LMLN: variants seen among roughly 807,000 people sequenced by gnomAD.
LMLN encodes leishmanolysin-like peptidase.
Under a neutral mutation model 92.3 loss-of-function variants are expected in LMLN, and 70 were observed. That is an observed-to-expected ratio of 0.76 (90% confidence interval 0.63 to 0.92). The LOEUF is 0.92. Among genes scored for constraint, LMLN ranks in the 40% least tolerant of loss-of-function variants. The probability of loss-of-function intolerance (pLI) is 0.00; values close to 1 mark genes in which losing one functional copy is unlikely to be tolerated. For synonymous variants in LMLN, 308 were observed against 296.2 expected (o/e 1.04, Z -0.41); for missense variants, 691 against 814.6 (o/e 0.85, Z 1.85).
chr3:197,988,481 C>CTTTTTTTTTTTTTT (rs67505779), intron 8 of LMLN, among the ~76,000 whole-genome samples: 1 of 42,018 alleles, frequency 2.4e-5, no homozygotes, highest in Non-Finnish European at 4.0e-5. Flanking sequence ...GGATTTACCC[C>CTTTTTTTTTTTTTT]TTTTTTTTTT....
chr3:197,971,107 C>T (rs909110460), intron 1 of LMLN, among the ~76,000 whole-genome samples: 1 of 152,158 alleles, frequency 6.6e-6, no homozygotes, highest in Non-Finnish European at 1.5e-5. Flanking sequence ...TATTGTTCTT[C>T]ACAGAAAGTC....
chr3:198,007,026 G>T (rs1722313858), intron 11 of LMLN, among the ~76,000 whole-genome samples: 1 of 152,154 alleles, frequency 6.6e-6, no homozygotes, highest in African/African-American at 2.4e-5. Flanking sequence ...TAATTGGATT[G>T]TTTTTTACTG....
At chr3:197,996,965 C>A (rs563545967) in intron 10 of LMLN, among the ~76,000 whole-genome samples, 2 of 151,894 alleles carry the variant, frequency 1.3e-5, no homozygotes, top group Non-Finnish European at 2.9e-5. Flanking sequence ...TCTGTGTGTT[C>A]GTTCGTTTGT....
chr3:198,025,616 TGC>T lies in LMLN; in HGVS notation c.1656+829_1656+830del, dbSNP rs2109943413. Among the ~76,000 whole-genome samples the T allele has an allele frequency of 6.6e-6, 1 of 152,320 alleles. No homozygotes were observed. The highest frequency in any genetic ancestry group is 1.5e-5 in the Non-Finnish European group (1 of 68,020). Reference sequence around the variant, plus strand: ...AACTTCGGGGCCCAAGCAATCCTCTTGCCTTGGCCTCCCAAAGTACTGGGATT... The same window carrying T: ...AACTTCGGGGCCCAAGCAATCCTCTTCTTGGCCTCCCAAAGTACTGGGATT... On this transcript the variant is annotated intron_variant, in intron 14 of 15. Transcript: ENST00000330198. The surrounding 1 kb of genome is among the most constrained non-coding windows in gnomAD (Gnocchi z 4.3).
At chr3:198,040,492 T>C (rs576281716) in exon 16 of LMLN, 1 of 152,328 alleles carries the variant, frequency 6.6e-6, no homozygotes, top group Admixed American at 6.5e-5. Context: ...GCTAATGAAG[T>C]CCTATGGCAT....
chr3:197,961,972 C>T (rs758144476), intron 1 of LMLN, among the ~76,000 whole-genome samples: 10 of 152,060 alleles, frequency 6.6e-5, no homozygotes, highest in African/African-American at 1.7e-4. Flanking sequence ...TCAGCCATTC[C>T]GCAGCCCCCT....
rs187594004 is a variant in LMLN, at chr3:197,989,706, T to C, written c.930-853T>C. 3.3e-4 allele frequency among the ~76,000 whole-genome samples: 50 copies of C among 152,180 alleles called. No homozygotes were observed. The East Asian group carries it at 9.5e-3, about 29-fold the overall frequency. Reference sequence around the variant, plus strand: ...AAATAGTGATGATAATCTCATAGGGTTGTTGAAAAGATGAAATTTAAAACA... The same window carrying C: ...AAATAGTGATGATAATCTCATAGGGCTGTTGAAAAGATGAAATTTAAAACA... On this transcript the variant is annotated intron_variant, in intron 8 of 15. Coordinates refer to ENST00000330198, the Ensembl canonical transcript of LMLN.
At chr3:197,996,148 G>A (rs377027839) in intron 9 of LMLN, 27 bp from the exon 10 acceptor site, 14 of 1,368,418 alleles carry the variant, frequency 1.0e-5, no homozygotes, top group African/African-American at 4.5e-5. Flanking sequence ...TACCATATTT[G>A]TTTCTGATTT....
chr3:197,980,666 G>A (rs1023981135), intron 6 of LMLN, 162 bp downstream of exon 6: 14 of 593,774 alleles, frequency 2.4e-5, no homozygotes, highest in Admixed American at 9.2e-5. Context: ...TTAGGAGACC[G>A]TGATTAGACT....
At chr3:198,032,691 G>A (rs1723110007) in intron 14 of LMLN, among the ~76,000 whole-genome samples, 1 of 152,082 alleles carries the variant, frequency 6.6e-6, no homozygotes, top group Non-Finnish European at 1.5e-5. Context: ...GCAGATCTCT[G>A]GGGAACTTAT....
chr3:198,006,754 C>T (rs1202526373), intron 11 of LMLN, among the ~76,000 whole-genome samples: 2 of 151,860 alleles, frequency 1.3e-5, no homozygotes, highest in Non-Finnish European at 2.9e-5. Context: ...GCTCCGTCAC[C>T]CAGGCTGGAG....
At chr3:198,033,492 C>G (rs1003298946) in intron 14 of LMLN, among the ~76,000 whole-genome samples, 3 of 152,052 alleles carry the variant, frequency 2.0e-5, no homozygotes, top group African/African-American at 7.2e-5. Flanking sequence ...TCTCAGCTCA[C>G]TGCAACCTCG....
rs1350599550 is a variant in LMLN, at chr3:198,019,392, C to T, written c.1365+7C>T. ...TTTACCACAGGAATACCAGGTAGAA[C>T]AGGGCTGGGGCACAGTTTCAGGAAT... is the stretch of plus-strand genomic sequence containing the variant. On this transcript the variant is annotated splice_region_variant and intron_variant, in intron 12 of 15. Transcript: ENST00000330198. The surrounding 1 kb of genome is among the most constrained non-coding windows in gnomAD (Gnocchi z 5.5). 6 of 1,611,786 alleles carry T rather than the reference C, an allele frequency of 3.7e-6. No homozygotes were observed. Among genetic ancestry groups the T allele is most frequent in the East Asian group, 4.5e-5 (2 of 44,802 alleles).
At chr3:198,033,662 A>G (rs758734474) in intron 14 of LMLN, among the ~76,000 whole-genome samples, 5 of 152,324 alleles carry the variant, frequency 3.3e-5, no homozygotes, top group Admixed American at 2.6e-4. Context: ...TTGGTGTCCC[A>G]CAGTGCTGGG....
intron 11 of LMLN, among the ~76,000 whole-genome samples, chr3:198,014,947 C>G (rs1229513906): frequency 5.9e-5 from 8 of 135,716 alleles, no homozygotes; most frequent in Non-Finnish European, 1.3e-4. Flanking sequence ...TCTCTCCACC[C>G]TTCAGAGCCC....
At chr3:197,996,801 C>A (rs1722031590) in intron 10 of LMLN, among the ~76,000 whole-genome samples, 1 of 152,112 alleles carries the variant, frequency 6.6e-6, no homozygotes, top group South Asian at 2.1e-4. Context: ...CAGGGCCTCA[C>A]TGTGTCATCC....
intron 11 of LMLN, among the ~76,000 whole-genome samples, chr3:198,016,611 T>C (rs538969661): frequency 6.6e-6 from 1 of 152,340 alleles, no homozygotes; most frequent in South Asian, 2.1e-4. Flanking sequence ...AGTATGTAAC[T>C]CACACTGCAG....
intron 1 of LMLN, among the ~76,000 whole-genome samples, chr3:197,970,185 A>T (rs934982041): frequency 3.3e-5 from 5 of 152,148 alleles, no homozygotes; most frequent in Admixed American, 6.5e-5. Flanking sequence ...AATAAATAAA[A>T]AAAATAAACT....
chr3:198,037,342 G>A (rs1423941029), intron 15 of LMLN, among the ~76,000 whole-genome samples: 4 of 152,208 alleles, frequency 2.6e-5, no homozygotes, highest in Admixed American at 2.6e-4. Flanking sequence ...AGTACTCCAA[G>A]TGAGGCAGCT....
Sources: allele counts gnomAD v4.1 joint callset (sites outside exome capture counted in the v4.1 genomes callset), GRCh38; gene constraint gnomAD v4.1.1; non-coding constraint Gnocchi (gnomAD v3.1); transcripts MANE v1.5; gene names NCBI Gene and HGNC (gene_info 2026-07-23, HGNC 2026-07-21).